The following LMF1 variants were observed in gnomAD, a reference collection of about 807,000 sequenced individuals.
LMF1 encodes the protein transmembrane protein 112.
LMF1 carries 68 observed loss-of-function variants against 60.6 expected under a neutral mutation model. That is an observed-to-expected ratio of 1.12 (90% CI 0.92 to 1.37). The LOEUF is 1.37. Ranked by LOEUF, LMF1 falls within the 40% of genes most tolerant of loss-of-function variation. The pLI, the probability that LMF1 is intolerant of heterozygous loss-of-function variation, is 0.00. For synonymous variants in LMF1, 418 were observed against 324.7 expected, an observed-to-expected ratio of 1.29 and a Z score of -3.09; for missense variants, 948 against 767.2, an observed-to-expected ratio of 1.24 and a Z score of -2.78.
At chr16:872,439 T>C (rs1435124523) in intron 6 of LMF1, 4 of 152,240 alleles carry the variant, frequency 2.6e-5, no homozygotes, top group African/African-American at 7.2e-5. Flanking sequence ...TTGGGAAAAA[T>C]AGCTTTTCTG....
Position 968,819 on chromosome 16 carries a change from T to G in LMF1, c.193+1969A>C, listed in dbSNP as rs1376548108. On this transcript the variant is annotated intron_variant, in intron 1 of 10. Coordinates refer to ENST00000262301, the MANE Select transcript of LMF1 (RefSeq NM_022773.4). ...GGAGATCAAAGGAGCCTCAGCTCGT[T>G]TGAAAGAGTCTGAGCTGGTTTTATG... 2.0e-5 allele frequency: 3 copies of G among 152,178 alleles called. No individual in the cohort carries two copies. The East Asian group carries it at 5.8e-4, about 29-fold the overall frequency. 9.4% of individuals were successfully genotyped at this position (152,178 alleles called of 1,614,324 possible). A position where few individuals can be genotyped will look rare whatever the true frequency, so the allele number is the denominator to read the frequency against.
At chr16:970,989 A>G (rs1381556309), upstream of LMF1, 4 of 1,472,740 alleles carry the variant, frequency 2.7e-6, no homozygotes, top group African/African-American at 4.4e-5. Flanking sequence ...ATGTGCGGGG[A>G]GGGCGCACTC....
At position 970,888 on chromosome 16, in the gene LMF1, G is replaced by A. The variant is rs766848340; in HGVS notation, c.93C>T (p.Pro31=). Residue 31 remains proline (P), a synonymous_variant, in exon 1 of 11, where the codon CCC becomes CCT. Coordinates refer to ENST00000262301, the MANE Select transcript of LMF1 (RefSeq NM_022773.4). ...AGCCTGCGGGGCCACGCCCCGGCGC[G>A]GGCGGCGACTCAGGCTCCGGATCCG... The part of the protein sequence containing the change: ...GYSDPEPESP[P]APGRGPAGSP... The A allele has an allele frequency of 3.2e-6, 5 of 1,574,762 alleles. No homozygotes were observed. The highest frequency in any genetic ancestry group is 4.3e-6 in the Non-Finnish European group (5 of 1,162,726).
At chr16:866,445 G>A (rs1567146719) in intron 10 of LMF1, among the ~76,000 whole-genome samples, 1 of 152,100 alleles carries the variant, frequency 6.6e-6, no homozygotes, top group African/African-American at 2.4e-5. Flanking sequence ...CTGACTTTCT[G>A]GTAGCTATTA....
At chr16:870,281 C>G (rs888587932) in intron 8 of LMF1, among the ~76,000 whole-genome samples, 1 of 152,218 alleles carries the variant, frequency 6.6e-6, no homozygotes, top group African/African-American at 2.4e-5. Flanking sequence ...AGAACACCTT[C>G]TCTGCCCGTG....
intron 10 of LMF1, among the ~76,000 whole-genome samples, chr16:868,450 G>A (rs1436127558): frequency 2.6e-5 from 4 of 152,182 alleles, no homozygotes; most frequent in African/African-American, 4.8e-5. Context: ...CTGAGAATCT[G>A]ACCCTGCGGG....
intron 5 of LMF1, among the ~76,000 whole-genome samples, chr16:889,394 G>C (rs910133796): frequency 6.8e-6 from 1 of 145,994 alleles, no homozygotes; most frequent in African/African-American, 2.8e-5. Context: ...ATGGCCGTGG[G>C]TGTGAGGCTG....
intron 1 of LMF1, among the ~76,000 whole-genome samples, chr16:970,249 G>A (rs2073012796): frequency 6.6e-6 from 1 of 151,850 alleles, no homozygotes; most frequent in Admixed American, 6.6e-5. Flanking sequence ...CCGGCTCCTC[G>A]GATTTTGGCA....
intron 6 of LMF1, among the ~76,000 whole-genome samples, chr16:879,154 T>C (rs2070085198): frequency 6.6e-6 from 1 of 152,102 alleles, no homozygotes; most frequent in Non-Finnish European, 1.5e-5. Context: ...GACCCTGGCC[T>C]CTCTCAGACC....
Position 871,276 on chromosome 16 carries a change from G to C in LMF1, c.963C>G (p.Ala321=), listed in dbSNP as rs1231932541. 2 of 1,612,596 alleles carry C rather than the reference G, an allele frequency of 1.2e-6. No individual in the cohort carries two copies. Among genetic ancestry groups the C allele is most frequent in the East Asian group, 4.5e-5 (2 of 44,874 alleles). ...LNWLTMVPSL[A]CFDDATLGFL... ...ATCCCAGGGTGGCGTCATCAAAGCA[G>C]GCCAGGCTGGGCACCATAGTCAGCC... Residue 321 remains alanine, a synonymous_variant, in exon 7 of 11, where the codon GCC becomes GCG. Transcript: ENST00000262301.
In LMF1 at chr16:892,777, A is replaced by G. The variant is rs369357943; in HGVS notation, c.729+230T>C. On this transcript the variant is annotated intron_variant, in intron 5 of 10. Coordinates refer to ENST00000262301, the MANE Select transcript of LMF1 (RefSeq NM_022773.4). ...GGTGCCCGTGCAGGAACCAGAGCAA[A>G]CCAGCTGCACTCGAGACCATGGAGG... Among the ~76,000 whole-genome samples, 12 of 152,250 alleles carry G rather than the reference A, an allele frequency of 7.9e-5. 1 individual carries two copies. In the South Asian group the frequency reaches 2.5e-3, roughly 32 times the overall value.
chr16:928,908 G>T (rs1445438179), intron 3 of LMF1, among the ~76,000 whole-genome samples: 1 of 152,206 alleles, frequency 6.6e-6, no homozygotes, highest in East Asian at 1.9e-4. Flanking sequence ...CACTCCAAAG[G>T]CCTTGGGAAC....
intron 1 of LMF1, among the ~76,000 whole-genome samples, chr16:956,214 G>A (rs535466319): frequency 3.1e-3 from 452 of 147,808 alleles, no homozygotes; most frequent in Non-Finnish European, 4.9e-3. Flanking sequence ...CCGAGTTCAC[G>A]TCCCACGGCG....
intron 2 of LMF1, among the ~76,000 whole-genome samples, chr16:935,495 G>T (rs866099740): frequency 4.2e-4 from 63 of 150,636 alleles, no homozygotes; most frequent in African/African-American, 1.5e-3. Flanking sequence ...TGTGGCTTCC[G>T]TGGGCCACAA....
At chr16:949,819 G>A (rs1426526601) in intron 2 of LMF1, among the ~76,000 whole-genome samples, 1 of 114,674 alleles carries the variant, frequency 8.7e-6, no homozygotes, top group Admixed American at 8.4e-5. Context: ...GCCAATGACA[G>A]AGTCAGAGAC....
chr16:865,210 T>C (rs2069579792), intron 10 of LMF1, among the ~76,000 whole-genome samples: 2 of 152,214 alleles, frequency 1.3e-5, no homozygotes, highest in African/African-American at 4.8e-5. Flanking sequence ...TCTATGTCCA[T>C]TTGCCCTCAT....
chr16:893,376 T>C (rs1486575368), intron 4 of LMF1: 2 of 512,304 alleles, frequency 3.9e-6, no homozygotes, highest in South Asian at 1.5e-5. Flanking sequence ...CTACAGAAGT[T>C]GCGTGTCTTT....
chr16:870,772 A>T lies in LMF1; in HGVS notation c.1189T>A (p.Phe397Ile). Reference sequence around the variant, plus strand: ...GTGTTGACGATGTGAAGAGAGTTGAAGTGGGTGTTCATGACCTGCCTGGAG... The same window carrying T: ...GTGTTGACGATGTGAAGAGAGTTGATGTGGGTGTTCATGACCTGCCTGGAG... ...LSSRQVMNTH[F>I]NSLHIVNTYG... The change falls in exon 8 of 11, where the codon TTC (phenylalanine) becomes ATC (isoleucine). Residue 397 changes from phenylalanine (F) to isoleucine (I), a missense_variant. Coordinates refer to ENST00000262301, the MANE Select transcript of LMF1 (RefSeq NM_022773.4). The T allele has an allele frequency of 6.2e-7, 1 of 1,613,010 alleles. No individual in the cohort carries two copies.
At chr16:868,682 G>A (rs1468269258) in intron 10 of LMF1, among the ~76,000 whole-genome samples, 1 of 150,936 alleles carries the variant, frequency 6.6e-6, no homozygotes, top group Non-Finnish European at 1.5e-5. Context: ...GCCCAGAGCA[G>A]CTGTCCTGGG....
Sources: gnomAD v4.1 joint callset for allele counts (sites outside exome capture counted in the v4.1 genomes callset) on GRCh38, gnomAD v4.1.1 for gene constraint, MANE v1.5 for transcripts, NCBI Gene and HGNC (gene_info 2026-07-23, HGNC 2026-07-21) for gene names.